Variants in SCRG1 observed in about 807,000 individuals in gnomAD.
SCRG1 encodes scrapie-responsive protein 1.
In SCRG1, 3 loss-of-function variants were observed where a neutral mutation model predicts 7.7. That is an observed-to-expected ratio of 0.39 (90% CI 0.18 to 1.01). The LOEUF (loss-of-function observed/expected upper bound fraction) is 1.01, where lower values mean the gene tolerates loss of function less well. SCRG1 is among the 50% of genes least tolerant of loss of function. The pLI is 0.36. For synonymous variants in SCRG1, 46 were observed against 41.2 expected (o/e 1.12, Z -0.44); for missense variants, 110 against 117.2 (o/e 0.94, Z 0.28).
chr4:173,411,972 C>T, the SCRG1 span, among the ~76,000 whole-genome samples: 1 of 152,166 alleles, frequency 6.6e-6, no homozygotes, highest in Non-Finnish European at 1.5e-5. Context: ...TCTGTGTACC[C>T]AGAGTACTTT....
At chr4:173,440,986 C>T in the SCRG1 span, among the ~76,000 whole-genome samples, 10 of 151,862 alleles carry the variant, frequency 6.6e-5, no homozygotes, top group African/African-American at 1.7e-4. Flanking sequence ...TAACTTGATT[C>T]GGTCTGAAAG....
At chr4:173,483,992 A>T in the SCRG1 span, among the ~76,000 whole-genome samples, 1 of 65,738 alleles carries the variant, frequency 1.5e-5, no homozygotes, top group Admixed American at 2.3e-4. Context: ...TATATTATAT[A>T]TGATATATAT....
At chr4:173,429,734 T>C in the SCRG1 span, among the ~76,000 whole-genome samples, 3,163 of 152,290 alleles carry the variant, frequency 0.021, 94 homozygotes, top group African/African-American at 0.068. Context: ...ACATTTTCAA[T>C]GTAAGTCTAT....
At chr4:173,464,039 G>GTT in the SCRG1 span, among the ~76,000 whole-genome samples, 1 of 152,290 alleles carries the variant, frequency 6.6e-6, no homozygotes, top group Admixed American at 6.5e-5. Context: ...GGTCAAGTAA[G>GTT]TTGACCAGTG....
At chr4:173,476,363 A>AT in the SCRG1 span, among the ~76,000 whole-genome samples, 4,143 of 98,490 alleles carry the variant, frequency 0.042, 236 homozygotes, top group African/African-American at 0.084. Flanking sequence ...GGAAAAAAAA[A>AT]ATATATATAT....
At chr4:173,467,964 C>A in the SCRG1 span, 1 of 152,528 alleles carries the variant, frequency 6.6e-6, no homozygotes, top group East Asian at 1.9e-4. Context: ...AAAATAATGT[C>A]TAGGTGTTAA....
the SCRG1 span, among the ~76,000 whole-genome samples, chr4:173,443,644 C>T: frequency 1.3e-5 from 2 of 151,966 alleles, no homozygotes. Flanking sequence ...GTTGTCCAGG[C>T]TGGTCTTGAA....
At chr4:173,478,334 G>A in the SCRG1 span, among the ~76,000 whole-genome samples, 1 of 151,614 alleles carries the variant, frequency 6.6e-6, no homozygotes, top group African/African-American at 2.4e-5. Context: ...TGTAATCCTG[G>A]GAATGTGGTC....
At chr4:173,416,789 G>C in the SCRG1 span, among the ~76,000 whole-genome samples, 6 of 152,130 alleles carry the variant, frequency 3.9e-5, no homozygotes, top group Middle Eastern at 3.4e-3. Flanking sequence ...TTTCCTCAGA[G>C]TGATGGTTTC....
In SCRG1 at chr4:173,391,393, A is replaced by C; in HGVS notation, c.22T>G (p.Phe8Val). The change falls in exon 2 of 3, where the codon TTC becomes GTC. Residue 8 changes from phenylalanine to valine, a missense_variant. Transcript: ENST00000296506. ...AGCAGCAAAGTTAGCCCAATGGTGAAAACAAGTACCATCAGTTTCATTTTG... is the reference window on the plus strand; with the variant it reads ...AGCAGCAAAGTTAGCCCAATGGTGACAACAAGTACCATCAGTTTCATTTTG... MKLMVLV[F>V]TIGLTLLLGV... 1 of 1,614,188 alleles carries C rather than the reference A, an allele frequency of 6.2e-7. No individual in the cohort carries two copies. The highest frequency in any genetic ancestry group is 1.6e-4 in the Middle Eastern group (1 of 6,062).
the SCRG1 span, among the ~76,000 whole-genome samples, chr4:173,501,325 G>T: frequency 6.6e-6 from 1 of 152,210 alleles, no homozygotes; most frequent in Non-Finnish European, 1.5e-5. This position sits in a 1 kb window ranked among gnomAD's most constrained non-coding sequence, Gnocchi z 5.1. Context: ...CTCTAGTCAC[G>T]GTCAAGCCCT....
chr4:173,484,435 AC>A, the SCRG1 span, among the ~76,000 whole-genome samples: 6,128 of 29,758 alleles, frequency 0.21, 1,310 homozygotes, highest in Non-Finnish European at 0.27. Context: ...TATATTATAT[AC>A]ATATGATATA....
chr4:173,490,781 C>A, the SCRG1 span, among the ~76,000 whole-genome samples: 1 of 152,284 alleles, frequency 6.6e-6, no homozygotes, highest in Admixed American at 6.5e-5. Context: ...AAGAGTAATA[C>A]AGTTCTACTG....
the SCRG1 span, among the ~76,000 whole-genome samples, chr4:173,498,571 G>A: frequency 6.6e-6 from 1 of 152,226 alleles, no homozygotes; most frequent in African/African-American, 2.4e-5. Context: ...ATATAAGAAT[G>A]AGCAGGGTTC....
chr4:173,468,039 T>C, the SCRG1 span: 1 of 152,652 alleles, frequency 6.6e-6, no homozygotes, highest in Admixed American at 6.5e-5. Context: ...AATTTATCCA[T>C]TCATTGATGA....
the SCRG1 span, among the ~76,000 whole-genome samples, chr4:173,452,219 G>C: frequency 7.1e-6 from 1 of 141,598 alleles, no homozygotes; most frequent in Non-Finnish European, 1.5e-5. Flanking sequence ...CTGAGTGACA[G>C]AGTGAGACTT....
the SCRG1 span, among the ~76,000 whole-genome samples, chr4:173,508,938 G>A: frequency 6.6e-6 from 1 of 152,208 alleles, no homozygotes; most frequent in East Asian, 1.9e-4. This position sits in a 1 kb window ranked among gnomAD's most constrained non-coding sequence, Gnocchi z 4.4. Flanking sequence ...TCTGCTTGCA[G>A]GGCCGGGTGC....
the SCRG1 span, among the ~76,000 whole-genome samples, chr4:173,462,244 C>T: frequency 1.3e-5 from 2 of 151,996 alleles, no homozygotes; most frequent in Non-Finnish European, 2.9e-5. Context: ...AGAAGACTAC[C>T]TCAAGGCATT....
chr4:173,454,260 C>T, the SCRG1 span, among the ~76,000 whole-genome samples: 6 of 151,926 alleles, frequency 3.9e-5, no homozygotes, highest in South Asian at 2.1e-4. Context: ...GGAAAGTTCA[C>T]GTAGGAAAGC....
Sources: gnomAD v4.1 joint callset for allele counts (sites outside exome capture counted in the v4.1 genomes callset) on GRCh38, gnomAD v4.1.1 for gene constraint, Gnocchi (gnomAD v3.1) non-coding constraint, MANE v1.5 for transcripts, NCBI Gene and HGNC (gene_info 2026-07-23, HGNC 2026-07-21) for gene names.